The following PHF19 variants were observed in gnomAD, a reference collection of about 807,000 sequenced individuals.
PHF19 encodes the protein PHD finger protein 19.
A neutral mutation model predicts 79.8 loss-of-function variants in PHF19; 21 were observed. That is an observed-to-expected ratio of 0.26 (90% CI 0.19 to 0.38). The LOEUF (loss-of-function observed/expected upper bound fraction) is 0.38. Ranked by LOEUF, PHF19 falls within the 10% of genes least tolerant of loss-of-function variation. The pLI is 1.00. For missense variants in PHF19, 445 were observed against 744.2 expected, an observed-to-expected ratio of 0.60 and a Z score of 4.68; for synonymous variants, 273 against 296.3, an observed-to-expected ratio of 0.92 and a Z score of 0.81.
intron 1 of PHF19, among the ~76,000 whole-genome samples, chr9:120,892,196 C>T (rs539410195): frequency 2.6e-5 from 4 of 152,274 alleles, no homozygotes; most frequent in African/African-American, 9.6e-5. Context: ...TACCTGGGAC[C>T]TGAATTTAGC....
intron 1 of PHF19, among the ~76,000 whole-genome samples, chr9:120,892,117 G>A (rs1366818732): frequency 1.3e-5 from 2 of 152,146 alleles, no homozygotes; most frequent in Non-Finnish European, 2.9e-5. Context: ...TTTTTAAAAA[G>A]GTGAAACTTG....
At chr9:120,876,248 C>T (rs557675933) in intron 1 of PHF19, 2 of 152,364 alleles carry the variant, frequency 1.3e-5, no homozygotes, top group Non-Finnish European at 1.5e-5. Context: ...GGCTCCCGGG[C>T]AGGGGATGCG....
At chr9:120,877,330 C>T (rs1588126920), upstream of PHF19, 2 of 981,044 alleles carry the variant, frequency 2.0e-6, no homozygotes, top group Admixed American at 6.3e-5. Context: ...ATCTTTTTCG[C>T]GTTTTCCCGC....
Position 120,858,305 on chromosome 9 carries a change from A to T in PHF19, c.1401-19T>A. ...TGTCCATCTGTATCAGAAGTGGGAGAGGAAGATGATGAGAATGAGGTAGAA... is the reference window on the plus strand; with the variant it reads ...TGTCCATCTGTATCAGAAGTGGGAGTGGAAGATGATGAGAATGAGGTAGAA... On this transcript the variant is annotated intron_variant, in intron 14 of 14. Transcript: ENST00000373896. 1.3e-6 allele frequency: 2 copies of T among 1,503,888 alleles called. No individual in the cohort carries two copies. Among genetic ancestry groups the T allele is most frequent in the Non-Finnish European group, 1.8e-6 (2 of 1,122,666 alleles). 93.2% of individuals were successfully genotyped at this position (1,503,888 alleles called of 1,614,324 possible).
intron 8 of PHF19, 34 bp downstream of exon 8, chr9:120,865,994 G>A: frequency 6.3e-7 from 1 of 1,582,324 alleles, no homozygotes; most frequent in East Asian, 2.2e-5. Context: ...GCTGGGAGGA[G>A]CAGCGGTGGT....
rs76447907 is a variant in PHF19, at chr9:120,859,128, C to T, written c.1401-842G>A. Among the ~76,000 whole-genome samples, 162 of 151,460 alleles carry T rather than the reference C, an allele frequency of 1.1e-3. No individual in the cohort carries two copies. The East Asian group carries it at 0.025, about 24-fold the overall frequency. ...AGTGAGACTGTCTCAAACCAACCAACAAACAGGAAGAAAGAAAAAACAGGC... is the reference window on the plus strand; with the variant it reads ...AGTGAGACTGTCTCAAACCAACCAATAAACAGGAAGAAAGAAAAAACAGGC... On this transcript the variant is annotated intron_variant, in intron 14 of 14. Transcript: ENST00000373896.
chr9:120,883,121 C>T (rs2046212199), intron 1 of PHF19, among the ~76,000 whole-genome samples: 1 of 152,092 alleles, frequency 6.6e-6, no homozygotes, highest in Non-Finnish European at 1.5e-5. Flanking sequence ...TGCCTGTGGC[C>T]TTGGTTAGCT....
At chr9:120,897,889 G>C (rs1429638417), upstream of PHF19, among the ~76,000 whole-genome samples, 1 of 149,438 alleles carries the variant, frequency 6.7e-6, no homozygotes, top group Admixed American at 6.7e-5. Context: ...TGAGGCAGGA[G>C]ACCTACTTGA....
At position 120,860,075 on chromosome 9, in the gene PHF19, C is replaced by G; in HGVS notation, c.1400+15G>C. ...TCCTTGCAAAATGTGAAGGCCAGAC[C>G]TCTAGGAAGCTCACCTGGAGTCATA... is the stretch of plus-strand genomic sequence containing the variant. On this transcript the variant is annotated intron_variant, in intron 14 of 14. Coordinates refer to ENST00000373896, the MANE Select transcript of PHF19 (RefSeq NM_015651.3). The surrounding 1 kb of genome is among the most constrained non-coding windows in gnomAD (Gnocchi z 4.1). The G allele has an allele frequency of 2.8e-6, 4 of 1,445,148 alleles. No homozygotes were observed. Among genetic ancestry groups the G allele is most frequent in the Non-Finnish European group, 3.8e-6 (4 of 1,040,702 alleles). 89.5% of individuals were successfully genotyped at this position (1,445,148 alleles called of 1,614,324 possible).
Position 120,860,695 on chromosome 9 carries a change from G to T in PHF19, c.1304+394C>A. 4.1e-6 allele frequency: 1 copy of T among 241,406 alleles called. No individual in the cohort carries two copies. The highest frequency in any genetic ancestry group is 8.3e-6 in the Non-Finnish European group (1 of 120,290). 15.0% of individuals were successfully genotyped at this position (241,406 alleles called of 1,614,324 possible). ...CAGTTCCTCCCTTGGACATACTTAA[G>T]CATGGGGTGCTATGGAACTACAAAG... On this transcript the variant is annotated intron_variant, in intron 13 of 14. Transcript: ENST00000373896. The surrounding 1 kb of genome is among the most constrained non-coding windows in gnomAD (Gnocchi z 4.1).
In PHF19 at chr9:120,860,548, T is replaced by C; in HGVS notation, c.1305-363A>G. The C allele has an allele frequency of 3.3e-6, 1 of 305,454 alleles. No homozygotes were observed. The highest frequency in any genetic ancestry group is 3.2e-5 in the South Asian group (1 of 31,502). 18.9% of individuals were successfully genotyped at this position (305,454 alleles called of 1,614,324 possible). A position where few individuals can be genotyped will look rare whatever the true frequency, so the allele number is the denominator to read the frequency against. ...AGAGGTTAAGGGATTTAGGTAAAACTACATAGCTAGTACTGATAAGCAGGG... is the reference window on the plus strand; with the variant it reads ...AGAGGTTAAGGGATTTAGGTAAAACCACATAGCTAGTACTGATAAGCAGGG... On this transcript the variant is annotated intron_variant, in intron 13 of 14. Coordinates refer to ENST00000373896, the MANE Select transcript of PHF19 (RefSeq NM_015651.3). This position sits in a 1 kb window ranked among gnomAD's most constrained non-coding sequence, Gnocchi z 4.1.
In PHF19 at chr9:120,869,157, G is replaced by A. The variant is rs776363594; in HGVS notation, c.614+25C>T. 1.2e-5 allele frequency: 19 copies of A among 1,584,662 alleles called. No individual in the cohort carries two copies. The highest frequency in any genetic ancestry group is 1.5e-5 in the Non-Finnish European group (18 of 1,165,116). On this transcript the variant is annotated intron_variant, in intron 6 of 14. Transcript: ENST00000373896. The surrounding 1 kb of genome is among the most constrained non-coding windows in gnomAD (Gnocchi z 5.8). Reference sequence around the variant, plus strand: ...TTCTTGGAGACCTGCCCTGCCGCCCGGGGGGCCCTGACCCCCTGCCTTACT... The same window carrying A: ...TTCTTGGAGACCTGCCCTGCCGCCCAGGGGGCCCTGACCCCCTGCCTTACT...
chr9:120,859,519 C>G (rs1022033894), intron 14 of PHF19, among the ~76,000 whole-genome samples: 2 of 152,170 alleles, frequency 1.3e-5, no homozygotes, highest in Non-Finnish European at 2.9e-5. Flanking sequence ...GACCACTCCC[C>G]GTACTGCTGA....
At chr9:120,889,816 A>AG in intron 1 of PHF19, among the ~76,000 whole-genome samples, 2 of 152,106 alleles carry the variant, frequency 1.3e-5, no homozygotes, top group Non-Finnish European at 2.9e-5. Flanking sequence ...AGAAAGAGAA[A>AG]GAAAAAAGAG....
intron 1 of PHF19, among the ~76,000 whole-genome samples, chr9:120,887,838 A>G (rs1042659379): frequency 6.6e-6 from 1 of 152,210 alleles, no homozygotes; most frequent in African/African-American, 2.4e-5. Flanking sequence ...TCGTAAGTGG[A>G]CAAGCATCTG....
chr9:120,862,610 T>TACA lies in PHF19; in HGVS notation c.1107_1108insTGT (p.Arg369_Lys370insCys). The TACA allele has an allele frequency of 6.2e-7, 1 of 1,613,910 alleles. No individual in the cohort carries two copies. The highest frequency in any genetic ancestry group is 8.5e-7 in the Non-Finnish European group (1 of 1,179,978). ...GACCCAGGCTTGCTCTTTCCTCTCT[T>TACA]ACGCAGCTCAGAGGAGGCGCTGTTC... On this transcript the variant is annotated inframe_insertion, in exon 11 of 15. Transcript: ENST00000373896. The surrounding 1 kb of genome is among the most constrained non-coding windows in gnomAD (Gnocchi z 4.6).
chr9:120,861,393 C>T (rs1274130304), intron 12 of PHF19, among the ~76,000 whole-genome samples: 1 of 152,226 alleles, frequency 6.6e-6, no homozygotes, highest in African/African-American at 2.4e-5. Context: ...CGTCTCTGGA[C>T]CTCAGTTACT....
At position 120,860,992 on chromosome 9, in the gene PHF19, T is replaced by G. The variant is rs1287885697; in HGVS notation, c.1304+97A>C. On this transcript the variant is annotated intron_variant, in intron 13 of 14. Coordinates refer to ENST00000373896, the MANE Select transcript of PHF19 (RefSeq NM_015651.3). This position sits in a 1 kb window ranked among gnomAD's most constrained non-coding sequence, Gnocchi z 4.1. The stretch of plus-strand genomic sequence containing the variant: ...TGCAAAAAGCCCCTTCAGACAGACC[T>G]GCACAGCAGGGATCCTTTTAACTGA... 1.3e-6 allele frequency: 1 copy of G among 787,616 alleles called. No individual in the cohort carries two copies. Among genetic ancestry groups the G allele is most frequent in the African/African-American group, 1.7e-5 (1 of 59,274 alleles). 48.8% of individuals were successfully genotyped at this position (787,616 alleles called of 1,614,324 possible). A position where few individuals can be genotyped will look rare whatever the true frequency, so the allele number is the denominator to read the frequency against.
intron 1 of PHF19, among the ~76,000 whole-genome samples, chr9:120,882,268 T>C (rs2131584211): frequency 6.6e-6 from 1 of 152,328 alleles, no homozygotes; most frequent in East Asian, 1.9e-4. Context: ...CAGAGAGCCC[T>C]GAGAGAAGGT....
Sources: allele counts gnomAD v4.1 joint callset (sites outside exome capture counted in the v4.1 genomes callset), GRCh38; gene constraint gnomAD v4.1.1; non-coding constraint Gnocchi (gnomAD v3.1); transcripts MANE v1.5; gene names NCBI Gene and HGNC (gene_info 2026-07-23, HGNC 2026-07-21).